TMEM132C: variants seen among roughly 807,000 people sequenced by gnomAD.
TMEM132C encodes the protein protein phosphatase 1, regulatory subunit 152.
In TMEM132C, 29 loss-of-function variants were observed where a neutral mutation model predicts 61.4. The observed-to-expected ratio is 0.47, with a 90% confidence interval of 0.35 to 0.64. The LOEUF is 0.64. Ranked by LOEUF, TMEM132C falls within the 30% of genes least tolerant of loss-of-function variation. TMEM132C has a pLI of 0.00. For missense variants in TMEM132C, 1,408 were observed against 1,476.9 expected (o/e 0.95, Z 0.76); for synonymous variants, 656 against 633.1 (o/e 1.04, Z -0.54).
At chr12:128,466,074 G>A (rs874298) in intron 2 of TMEM132C, among the ~76,000 whole-genome samples, 41,055 of 152,046 alleles carry the variant, frequency 0.27, 7,828 homozygotes, top group African/African-American at 0.54. Context: ...ATATATCTAA[G>A]TTTTAAATAA....
chr12:128,688,080 TGAG>T (rs527554857), intron 5 of TMEM132C, among the ~76,000 whole-genome samples: 14 of 152,314 alleles, frequency 9.2e-5, no homozygotes, highest in Admixed American at 3.9e-4. Context: ...CAGAGCCACT[TGAG>T]GAGAGGTTCC....
intron 1 of TMEM132C, among the ~76,000 whole-genome samples, chr12:128,315,954 C>T (rs1052085734): frequency 1.3e-5 from 2 of 151,656 alleles, no homozygotes; most frequent in African/African-American, 2.4e-5. Flanking sequence ...GTGGACCTGC[C>T]GACACCGTGA....
At chr12:128,578,054 C>T (rs1224868324) in intron 3 of TMEM132C, among the ~76,000 whole-genome samples, 2 of 152,218 alleles carry the variant, frequency 1.3e-5, no homozygotes, top group Non-Finnish European at 2.9e-5. Context: ...AACTTTATGT[C>T]ATTACCGAGT....
intron 3 of TMEM132C, among the ~76,000 whole-genome samples, chr12:128,601,970 T>C (rs771373526): frequency 6.6e-6 from 1 of 152,102 alleles, no homozygotes; most frequent in African/African-American, 2.4e-5. Context: ...CCCAGCACTT[T>C]GGGAGGCTAA....
rs117790309 is a variant in TMEM132C, at chr12:128,513,660, G to A, written c.975-30297G>A. Among the ~76,000 whole-genome samples, 850 of 152,256 alleles carry A rather than the reference G, an allele frequency of 5.6e-3. 26 individuals carry two copies. In the East Asian group the frequency reaches 0.1, roughly 18 times the overall value. On this transcript the variant is annotated intron_variant, in intron 2 of 8. Transcript: ENST00000435159. The stretch of plus-strand genomic sequence containing the variant: ...GGAGATTTTGCTCCTTGAGAAGAGG[G>A]GGAAAGCTGATTAGGAAAGATGTCA...
chr12:128,635,879 A>G (rs929813937), intron 4 of TMEM132C, among the ~76,000 whole-genome samples: 1 of 152,170 alleles, frequency 6.6e-6, no homozygotes, highest in Non-Finnish European at 1.5e-5. Context: ...AGTTGTGACA[A>G]AGGCACAAAG....
At chr12:128,545,532 A>G (rs1873917080) in intron 3 of TMEM132C, among the ~76,000 whole-genome samples, 1 of 152,242 alleles carries the variant, frequency 6.6e-6, no homozygotes. Flanking sequence ...AGAAATCTCC[A>G]AACTACTTTC....
At chr12:128,606,246 A>T (rs925181607) in intron 3 of TMEM132C, among the ~76,000 whole-genome samples, 1 of 152,256 alleles carries the variant, frequency 6.6e-6, no homozygotes, top group African/African-American at 2.4e-5. Flanking sequence ...GCTGTGCTTC[A>T]GGAAGTTGCA....
chr12:128,425,129 C>T (rs1031968631), intron 2 of TMEM132C, among the ~76,000 whole-genome samples: 2 of 152,202 alleles, frequency 1.3e-5, no homozygotes, highest in East Asian at 1.9e-4. Context: ...AGGGCCTCAG[C>T]ATCCCCCACC....
In TMEM132C at chr12:128,377,289, G is replaced by A. The variant is rs371992531; in HGVS notation, c.86-37443G>A. Reference sequence around the variant, plus strand: ...AGGCTGGTCTTGAACTCCTGACCTCGTGATCTGCCTGCCTTGGCCTCCCAA... The same window carrying A: ...AGGCTGGTCTTGAACTCCTGACCTCATGATCTGCCTGCCTTGGCCTCCCAA... On this transcript the variant is annotated intron_variant, in intron 1 of 8. Transcript: ENST00000435159. Among the ~76,000 whole-genome samples the A allele has an allele frequency of 3.7e-4, 57 of 152,270 alleles. No homozygotes were observed. In the East Asian group the frequency reaches 0.01, roughly 27 times the overall value.
chr12:128,459,884 CAAA>C lies in TMEM132C; in HGVS notation c.974+44284_974+44286del, dbSNP rs71069569. On this transcript the variant is annotated intron_variant, in intron 2 of 8. Coordinates refer to ENST00000435159, the MANE Select transcript of TMEM132C (RefSeq NM_001136103.3). ...CGGGCAACAGAGCAAGACTCTGTCT[CAAA>C]AAAAAAAAAAAAAAAAAAAGAATGC... Among the ~76,000 whole-genome samples, 215 of 82,170 alleles carry C rather than the reference CAAA, an allele frequency of 2.6e-3. 1 individual carries two copies. The highest frequency in any genetic ancestry group is 0.011 in the African/African-American group (205 of 19,502). The allele number at this position is 82,170 out of a possible 152,430, so 53.9% of individuals were successfully genotyped here. A position where few individuals can be genotyped will look rare whatever the true frequency, so the allele number is the denominator to read the frequency against.
chr12:128,344,033 T>C (rs1873068351), intron 1 of TMEM132C, among the ~76,000 whole-genome samples: 1 of 152,256 alleles, frequency 6.6e-6, no homozygotes, highest in African/African-American at 2.4e-5. Flanking sequence ...CCACATTTAG[T>C]TTATCCATTC....
At chr12:128,502,777 T>C (rs1328728288) in intron 2 of TMEM132C, among the ~76,000 whole-genome samples, 3 of 152,188 alleles carry the variant, frequency 2.0e-5, no homozygotes, top group Non-Finnish European at 4.4e-5. Flanking sequence ...CACCAGAGAC[T>C]CTAATGGCCC....
At chr12:128,556,542 A>G (rs1052782933) in intron 3 of TMEM132C, among the ~76,000 whole-genome samples, 4 of 152,176 alleles carry the variant, frequency 2.6e-5, no homozygotes, top group African/African-American at 9.7e-5. Flanking sequence ...TCCCCAACCC[A>G]CAGGCTCTTC....
chr12:128,475,244 T>A (rs539226749), intron 2 of TMEM132C, among the ~76,000 whole-genome samples: 1 of 152,192 alleles, frequency 6.6e-6, no homozygotes. Flanking sequence ...GACCTGCGAT[T>A]TCTTTTTTCT....
intron 1 of TMEM132C, among the ~76,000 whole-genome samples, chr12:128,348,433 C>T (rs141153311): frequency 1.4e-3 from 209 of 152,234 alleles, no homozygotes; most frequent in Non-Finnish European, 2.5e-3. Flanking sequence ...CTTTCGTTAC[C>T]TAAATGCCCT....
intron 1 of TMEM132C, among the ~76,000 whole-genome samples, chr12:128,409,596 G>T (rs567276414): frequency 6.6e-6 from 1 of 152,232 alleles, no homozygotes; most frequent in Non-Finnish European, 1.5e-5. Context: ...ACTTTATAAA[G>T]ATTTTTTTAA....
chr12:128,295,846 T>C (rs577443711), intron 1 of TMEM132C, among the ~76,000 whole-genome samples: 1 of 152,262 alleles, frequency 6.6e-6, no homozygotes, highest in South Asian at 2.1e-4. Flanking sequence ...TTTCAGACCA[T>C]ATTTAGTTGT....
intron 4 of TMEM132C, among the ~76,000 whole-genome samples, chr12:128,617,666 G>A (rs1040494910): frequency 6.6e-6 from 1 of 151,696 alleles, no homozygotes; most frequent in Non-Finnish European, 1.5e-5. Flanking sequence ...TGGGGCAGGT[G>A]TAGAGTCAGG....
Sources: allele counts gnomAD v4.1 joint callset (sites outside exome capture counted in the v4.1 genomes callset), GRCh38; gene constraint gnomAD v4.1.1; transcripts MANE v1.5; gene names NCBI Gene and HGNC (gene_info 2026-07-23, HGNC 2026-07-21).